Variants in KCNMA1 observed in about 807,000 individuals in gnomAD.
The protein encoded by KCNMA1 is Calcium-activated potassium channel subunit alpha-1.
A neutral mutation model predicts 140.0 loss-of-function variants in KCNMA1; 29 were observed. That is an observed-to-expected ratio of 0.21 (90% CI 0.15 to 0.28). The LOEUF is 0.28. Ranked by LOEUF, KCNMA1 falls within the 10% of genes least tolerant of loss-of-function variation. The pLI is 1.00. For synonymous variants in KCNMA1, 612 were observed against 611.9 expected, an observed-to-expected ratio of 1.00 and a Z score of 0.00; for missense variants, 880 against 1,602.2, an observed-to-expected ratio of 0.55 and a Z score of 7.70.
At chr10:77,074,635 GA>G (rs1271203316) in intron 13 of KCNMA1, among the ~76,000 whole-genome samples, 1 of 152,200 alleles carries the variant, frequency 6.6e-6, no homozygotes, top group Non-Finnish European at 1.5e-5. Flanking sequence ...TATATTCCAA[GA>G]AAGCAGATTT....
rs139862960 is a variant in KCNMA1 at position 77,304,174 on chromosome 10, A to G, written c.541-52918T>C. On this transcript the variant is annotated intron_variant, in intron 2 of 27. Transcript: ENST00000286628. ...ACTAAGGGGAAAATGGTAGAAGGGA[A>G]AATGAGAACAAGAAAGAATGAGATA... Among the ~76,000 whole-genome samples the G allele has an allele frequency of 2.8e-3, 424 of 152,358 alleles. 1 individual carries two copies. The highest frequency in any genetic ancestry group is 9.6e-3 in the African/African-American group (398 of 41,590).
At chr10:76,904,462 C>A (rs2046949783) in intron 25 of KCNMA1, 1 of 152,164 alleles carries the variant, frequency 6.6e-6, no homozygotes, top group South Asian at 2.1e-4. Context: ...CGTACACTAG[C>A]AAAAGGGGCC....
chr10:77,189,816 C>T (rs1338975957), intron 3 of KCNMA1, among the ~76,000 whole-genome samples: 1 of 152,080 alleles, frequency 6.6e-6, no homozygotes, highest in African/African-American at 2.4e-5. Flanking sequence ...ATGCAATAAG[C>T]CTAATGATTC....
At chr10:76,884,699 T>A (rs1396661206), downstream of KCNMA1, among the ~76,000 whole-genome samples, 1 of 149,776 alleles carries the variant, frequency 6.7e-6, no homozygotes, top group Non-Finnish European at 1.5e-5. Context: ...CTCTAAGGAA[T>A]CTAGCGATAG....
rs550117298 is a variant in KCNMA1 at position 77,209,678 on chromosome 10, AAAG to A, written c.603-24765_603-24763del. On this transcript the variant is annotated intron_variant, in intron 3 of 27. Coordinates refer to ENST00000286628, the MANE Select transcript of KCNMA1 (RefSeq NM_001161352.2). ...TAGACAGCTGGCCAGATTAACAAAA[AAAG>A]AAGATTCAAATAAGTGCAATCAGAA... is the stretch of plus-strand genomic sequence containing the variant. Among the ~76,000 whole-genome samples, 1,181 of 152,338 alleles carry A rather than the reference AAAG, an allele frequency of 7.8e-3. 10 individuals are homozygous for A. Among genetic ancestry groups the A allele is most frequent in the Middle Eastern group, 0.061 (18 of 294 alleles).
chr10:77,015,546 AT>A (rs1262156767), intron 17 of KCNMA1, among the ~76,000 whole-genome samples: 1 of 151,914 alleles, frequency 6.6e-6, no homozygotes, highest in Non-Finnish European at 1.5e-5. Flanking sequence ...TTACATATTC[AT>A]CTCCAATTCA....
intron 5 of KCNMA1, among the ~76,000 whole-genome samples, chr10:77,123,435 G>C (rs1402750026): frequency 2.0e-5 from 3 of 152,124 alleles, no homozygotes; most frequent in African/African-American, 7.2e-5. Flanking sequence ...GCAAGGGCTG[G>C]AAATTAAATT....
chr10:76,928,578 A>G (rs2058428806), intron 23 of KCNMA1, among the ~76,000 whole-genome samples: 1 of 152,172 alleles, frequency 6.6e-6, no homozygotes, highest in Non-Finnish European at 1.5e-5. Flanking sequence ...TGCTATATAT[A>G]ATATTTATAT....
chr10:77,145,566 A>C (rs979376453), intron 5 of KCNMA1, among the ~76,000 whole-genome samples: 22 of 152,184 alleles, frequency 1.4e-4, no homozygotes, highest in African/African-American at 4.8e-4. Context: ...ATCTACCAAT[A>C]CTGGGAAAAC....
chr10:77,572,522 C>A (rs1236181968), intron 1 of KCNMA1, among the ~76,000 whole-genome samples: 1 of 132,626 alleles, frequency 7.5e-6, no homozygotes, highest in Non-Finnish European at 1.6e-5. Flanking sequence ...TTCGAGGCAG[C>A]CTGGGCAACA....
At chr10:77,154,865 G>A (rs889472774) in intron 5 of KCNMA1, among the ~76,000 whole-genome samples, 1 of 152,222 alleles carries the variant, frequency 6.6e-6, no homozygotes, top group Non-Finnish European at 1.5e-5. Flanking sequence ...TCAAGCAAAT[G>A]CTTGTATAAA....
At chr10:77,164,086 T>C (rs1210581716) in intron 5 of KCNMA1, among the ~76,000 whole-genome samples, 4 of 152,208 alleles carry the variant, frequency 2.6e-5, no homozygotes. Flanking sequence ...CTGCAATTTG[T>C]CATGTCCTGA....
chr10:76,968,904 G>A (rs1438603084), intron 20 of KCNMA1, among the ~76,000 whole-genome samples: 1 of 152,168 alleles, frequency 6.6e-6, no homozygotes, highest in Non-Finnish European at 1.5e-5. Context: ...ACATGCAAAT[G>A]TTATTGAATA....
At chr10:77,259,711 C>T (rs2061555147) in intron 2 of KCNMA1, among the ~76,000 whole-genome samples, 1 of 152,210 alleles carries the variant, frequency 6.6e-6, no homozygotes, top group Admixed American at 6.5e-5. Context: ...ACATGGGATG[C>T]CCATCCTTCA....
At chr10:77,293,283 C>G (rs1311304099) in intron 2 of KCNMA1, among the ~76,000 whole-genome samples, 1 of 152,218 alleles carries the variant, frequency 6.6e-6, no homozygotes, top group Non-Finnish European at 1.5e-5. Context: ...ATGCCTCACC[C>G]TGTCCAGGCA....
At chr10:76,966,348 T>G (rs1212507850) in intron 20 of KCNMA1, among the ~76,000 whole-genome samples, 1 of 152,222 alleles carries the variant, frequency 6.6e-6, no homozygotes, top group Non-Finnish European at 1.5e-5. Context: ...TGCAACTATG[T>G]GGAGGTGGCT....
chr10:77,324,965 CTCTCTCTGTGTGTGTGTG>C (rs1396733437), intron 2 of KCNMA1, among the ~76,000 whole-genome samples: 42 of 106,146 alleles, frequency 4.0e-4, no homozygotes, highest in African/African-American at 1.7e-3. Context: ...CTCTCTCTCT[CTCTCTCTGTGTGTGTGTG>C]TGTGTGTGTG....
chr10:77,159,251 C>T (rs1053096265), intron 5 of KCNMA1, among the ~76,000 whole-genome samples: 25 of 152,164 alleles, frequency 1.6e-4, no homozygotes, highest in Admixed American at 3.3e-4. Flanking sequence ...TTAAAAGATG[C>T]TTCATTTCTT....
chr10:76,939,805 A>T (rs1320701529), intron 23 of KCNMA1: 1 of 152,246 alleles, frequency 6.6e-6, no homozygotes, highest in Non-Finnish European at 1.5e-5. Flanking sequence ...AGCAGCTCAG[A>T]GAGCGGACAT....
Sources: gnomAD v4.1 joint callset for allele counts (sites outside exome capture counted in the v4.1 genomes callset) on GRCh38, gnomAD v4.1.1 for gene constraint, MANE v1.5 for transcripts, NCBI Gene and HGNC (gene_info 2026-07-23, HGNC 2026-07-21) for gene names.